The following PCDHA4 variants were observed in gnomAD, a reference collection of about 807,000 sequenced individuals.
The protein encoded by PCDHA4 is protocadherin alpha-4.
Under a neutral mutation model 61.4 loss-of-function variants are expected in PCDHA4, and 49 were observed. The observed-to-expected ratio is 0.80, with a 90% CI of 0.63 to 1.01. PCDHA4 has a LOEUF of 1.01. Among genes scored for constraint, PCDHA4 ranks in the 50% least tolerant of loss-of-function variants. The pLI is 0.00. For synonymous variants in PCDHA4, 590 were observed against 550.3 expected, an observed-to-expected ratio of 1.07 and a Z score of -1.01; for missense variants, 1,254 against 1,235.8, an observed-to-expected ratio of 1.01 and a Z score of -0.22.
In PCDHA4 at chr5:140,807,311, G is replaced by T. The variant is rs781800843; in HGVS notation, c.124G>T (p.Gly42Cys). The stretch of plus-strand genomic sequence containing the variant: ...CTCGGTCTCCGAGGAGGCCAAACAC[G>T]GCACCTTCGTGGGCCGCATCGCGCA... ...HYSVSEEAKH[G>C]TFVGRIAQDL... is the part of the protein sequence containing the mutation. Residue 42 changes from glycine (G) to cysteine (C), a missense_variant, in exon 1 of 4, where the codon GGC (glycine) becomes TGC (cysteine). Transcript: ENST00000530339. The T allele has an allele frequency of 1.9e-6, 3 of 1,614,084 alleles. No homozygotes were observed. Among genetic ancestry groups the T allele is most frequent in the Middle Eastern group, 1.7e-4 (1 of 6,026 alleles).
At chr5:140,997,302 G>A (rs1430183310) in intron 3 of PCDHA4, among the ~76,000 whole-genome samples, 2 of 152,154 alleles carry the variant, frequency 1.3e-5, no homozygotes, top group Non-Finnish European at 2.9e-5. Flanking sequence ...GATACACTGA[G>A]AAATGTGTCT....
At position 140,822,901 on chromosome 5, in the gene PCDHA4, C is replaced by A. The variant is rs2150120199; in HGVS notation, c.2385+13329C>A. 3.1e-6 allele frequency: 5 copies of A among 1,614,234 alleles called. No homozygotes were observed. In the South Asian group the frequency reaches 3.3e-5, roughly 11 times the overall value. ...CATTGCTCTGATCAGCGTGTCTGAC[C>A]GTGACTCAGGTGCCAACGGGCAGGT... is the stretch of plus-strand genomic sequence containing the variant. On this transcript the variant is annotated intron_variant, in intron 1 of 3. Coordinates refer to ENST00000530339, the MANE Select transcript of PCDHA4 (RefSeq NM_018907.4).
chr5:140,837,460 G>A (rs2150141340), intron 1 of PCDHA4, among the ~76,000 whole-genome samples: 1 of 151,718 alleles, frequency 6.6e-6, no homozygotes, highest in East Asian at 1.9e-4. Context: ...AAATCTCCTT[G>A]CCTCCTCAAA....
intron 1 of PCDHA4, chr5:140,883,371 T>C (rs2059578130): frequency 1.2e-6 from 2 of 1,614,152 alleles, no homozygotes; most frequent in East Asian, 4.5e-5. Flanking sequence ...CCTAGCGCCA[T>C]TATTGCCCTA....
At chr5:140,898,471 C>G (rs1421437999) in intron 1 of PCDHA4, among the ~76,000 whole-genome samples, 1 of 152,108 alleles carries the variant, frequency 6.6e-6, no homozygotes, top group African/African-American at 2.4e-5. Flanking sequence ...GCTTGTTTTT[C>G]TCAGGTTTGT....
intron 1 of PCDHA4, among the ~76,000 whole-genome samples, chr5:140,838,465 G>A (rs2150289801): frequency 3.4e-4 from 52 of 151,444 alleles, no homozygotes; most frequent in Admixed American, 3.3e-3. Flanking sequence ...TTTCATTAGC[G>A]CTTATTCCTT....
chr5:140,863,007 A>G (rs1554157449), intron 1 of PCDHA4: 1 of 551,416 alleles, frequency 1.8e-6, no homozygotes, highest in Non-Finnish European at 3.6e-6. Context: ...GACTCCAGCT[A>G]TGACGCCTGG....
intron 1 of PCDHA4, chr5:140,858,289 T>G: frequency 6.3e-7 from 1 of 1,597,184 alleles, no homozygotes; most frequent in African/African-American, 1.3e-5. Context: ...GGAGCTGGTC[T>G]TACTCGCAGC....
chr5:140,813,645 A>T (rs183408897), intron 1 of PCDHA4: 1 of 152,194 alleles, frequency 6.6e-6, no homozygotes. Flanking sequence ...ATTACTGTGC[A>T]CTAATGTAGA....
chr5:140,863,074 A>G lies in PCDHA4; in HGVS notation c.2385+53502A>G, dbSNP rs142752367. ...GCACCCGTTCCACGTGGGGCTCTGC[A>G]CGGGCGAGATCAGCACGACGAGTAC... On this transcript the variant is annotated intron_variant, in intron 1 of 3. Transcript: ENST00000530339. The G allele has an allele frequency of 2.9e-3, 1,668 of 569,744 alleles. 11 individuals are homozygous for G. Among genetic ancestry groups the G allele is most frequent in the Middle Eastern group, 0.01 (34 of 3,390 alleles). The allele number at this position is 569,744 out of a possible 1,614,324, so 35.3% of individuals were successfully genotyped here.
At chr5:140,943,144 G>C (rs894787678) in intron 1 of PCDHA4, among the ~76,000 whole-genome samples, 1 of 151,178 alleles carries the variant, frequency 6.6e-6, no homozygotes, top group Non-Finnish European at 1.5e-5. Context: ...TGTAGTCCCA[G>C]CTACTCTGGA....
At chr5:140,857,683 C>T (rs1554150520) in intron 1 of PCDHA4, 1 of 1,597,084 alleles carries the variant, frequency 6.3e-7, no homozygotes, top group Middle Eastern at 1.8e-4. Context: ...CGCCTCTGGG[C>T]AGCAACTTGA....
chr5:140,888,606 G>A (rs2061900283), intron 1 of PCDHA4, among the ~76,000 whole-genome samples: 2 of 152,180 alleles, frequency 1.3e-5, no homozygotes, highest in African/African-American at 4.8e-5. Context: ...GCAGCTTTTA[G>A]TGTAGCACTA....
intron 1 of PCDHA4, among the ~76,000 whole-genome samples, chr5:140,845,170 T>C (rs1779731590): frequency 6.7e-6 from 1 of 149,622 alleles, no homozygotes; most frequent in Non-Finnish European, 1.5e-5. Context: ...ATTGTTTTCA[T>C]TTTAGTCCTT....
intron 1 of PCDHA4, among the ~76,000 whole-genome samples, chr5:140,899,481 G>T (rs2153464125): frequency 6.6e-6 from 1 of 152,230 alleles, no homozygotes; most frequent in East Asian, 1.9e-4. Flanking sequence ...CTGTTTATAT[G>T]CTGGATTACA....
intron 1 of PCDHA4, chr5:140,836,878 A>G: frequency 1.5e-6 from 1 of 681,278 alleles, no homozygotes; most frequent in Non-Finnish European, 2.4e-6. Context: ...CTGTATTTGC[A>G]CTAATTATTT....
intron 1 of PCDHA4, chr5:140,862,315 C>G (rs1554156143): frequency 3.2e-6 from 1 of 317,246 alleles, no homozygotes; most frequent in African/African-American, 2.2e-5. Context: ...CCGTCATAGC[C>G]CTAATCAGTG....
chr5:140,856,495 T>G lies in PCDHA4; in HGVS notation c.2385+46923T>G, dbSNP rs1554148773. 5.0e-6 allele frequency: 8 copies of G among 1,598,330 alleles called. 1 individual carries two copies. Among genetic ancestry groups the G allele is most frequent in the African/African-American group, 2.7e-5 (2 of 74,276 alleles). ...TACCTGAATCCAGACTGCTTGACTC[T>G]CGATTTCCACTAGAAGGCGCATCTG... On this transcript the variant is annotated intron_variant, in intron 1 of 3. Transcript: ENST00000530339.
chr5:140,871,098 G>T (rs2052704304), intron 1 of PCDHA4: 4 of 1,613,192 alleles, frequency 2.5e-6, no homozygotes, highest in Non-Finnish European at 3.4e-6. Context: ...CCACCGTGCT[G>T]GTGTCGTTGG....
Sources: gnomAD v4.1 joint callset for allele counts (sites outside exome capture counted in the v4.1 genomes callset) on GRCh38, gnomAD v4.1.1 for gene constraint, MANE v1.5 for transcripts, NCBI Gene and HGNC (gene_info 2026-07-23, HGNC 2026-07-21) for gene names.